MBTD1: variants seen among roughly 807,000 people sequenced by gnomAD.
MBTD1 encodes the protein mbt domain containing 1, also known as MBT domain-containing protein 1.
Under a neutral mutation model 87.8 loss-of-function variants are expected in MBTD1, and 24 were observed. That is an observed-to-expected ratio of 0.27 (90% CI 0.20 to 0.38). The LOEUF is 0.38. MBTD1 is among the 10% of genes least tolerant of loss of function. The probability of loss-of-function intolerance (pLI) is 1.00; values close to 1 mark genes in which losing one functional copy is unlikely to be tolerated. For missense variants in MBTD1, 436 were observed against 760.2 expected, an observed-to-expected ratio of 0.57 and a Z score of 5.02; for synonymous variants, 237 against 248.6, an observed-to-expected ratio of 0.95 and a Z score of 0.44.
At chr17:51,232,063 C>G (rs1048407709) in intron 2 of MBTD1, among the ~76,000 whole-genome samples, 1 of 151,708 alleles carries the variant, frequency 6.6e-6, no homozygotes, top group African/African-American at 2.4e-5. Flanking sequence ...TGATTATACT[C>G]AAAAGACCTA....
chr17:51,232,445 GAACATAAA>G (rs1175347479), intron 2 of MBTD1, among the ~76,000 whole-genome samples: 24 of 152,054 alleles, frequency 1.6e-4, no homozygotes, highest in East Asian at 9.7e-4. Context: ...GACAGAGACA[GAACATAAA>G]ACAAGCATTA....
chr17:51,231,232 G>A (rs1484131242), intron 2 of MBTD1, among the ~76,000 whole-genome samples: 3 of 152,104 alleles, frequency 2.0e-5, no homozygotes, highest in African/African-American at 4.8e-5. Context: ...CACCAGCCCG[G>A]CCAGACCTTT....
chr17:51,192,284 A>C lies in MBTD1; in HGVS notation c.1691-4T>G. The C allele has an allele frequency of 6.5e-7, 1 of 1,548,036 alleles. No individual in the cohort carries two copies. Among genetic ancestry groups the C allele is most frequent in the South Asian group, 1.2e-5 (1 of 83,956 alleles). On this transcript the variant is annotated splice_region_variant and splice_polypyrimidine_tract_variant and intron_variant, in intron 15 of 16. Transcript: ENST00000586178. ...GCTGATTGGTTTTCTCTTGATGCTGAAAAATAAAAAGGGAAAATTGGTACT... is the reference window on the plus strand; with the variant it reads ...GCTGATTGGTTTTCTCTTGATGCTGCAAAATAAAAAGGGAAAATTGGTACT...
intron 6 of MBTD1, among the ~76,000 whole-genome samples, chr17:51,209,626 T>C (rs944962970): frequency 3.9e-5 from 6 of 152,190 alleles, no homozygotes; most frequent in East Asian, 1.9e-4. Context: ...TCTCAGGAGG[T>C]TGATGCACTG....
intron 16 of MBTD1, among the ~76,000 whole-genome samples, chr17:51,188,793 CTT>C (rs1414160343): frequency 1.8e-4 from 19 of 107,780 alleles, no homozygotes; most frequent in African/African-American, 5.2e-4. Context: ...GAGTTTTGCT[CTT>C]GTTGCCCAGG....
intron 3 of MBTD1, 140 bp downstream of exon 3, chr17:51,224,868 A>C: frequency 2.1e-6 from 1 of 476,468 alleles, no homozygotes; most frequent in East Asian, 3.4e-5. Context: ...CAACTCAGTG[A>C]TCTTATCTCG....
rs145393312 is a variant in MBTD1, at chr17:51,233,531, A to T, written c.-48-8322T>A. On this transcript the variant is annotated intron_variant, in intron 2 of 16. Transcript: ENST00000586178. ...AGTCAAGGAAATCTTTCAAAAAGCGAGTGTGTGTGTATACATGAGACAAAA... is the reference window on the plus strand; with the variant it reads ...AGTCAAGGAAATCTTTCAAAAAGCGTGTGTGTGTGTATACATGAGACAAAA... 4.9e-3 allele frequency among the ~76,000 whole-genome samples: 745 copies of T among 152,264 alleles called. 4 individuals carry two copies. Among genetic ancestry groups the T allele is most frequent in the African/African-American group, 0.017 (710 of 41,552 alleles).
intron 14 of MBTD1, 55 bp from the exon 15 acceptor site, chr17:51,193,071 C>T: frequency 8.4e-7 from 1 of 1,195,980 alleles, no homozygotes; most frequent in Non-Finnish European, 1.2e-6. Flanking sequence ...AATGCACAAC[C>T]CTACTATCAC....
At chr17:51,255,212 C>T (rs1417634167) in intron 2 of MBTD1, among the ~76,000 whole-genome samples, 3 of 151,802 alleles carry the variant, frequency 2.0e-5, no homozygotes, top group South Asian at 2.1e-4. Context: ...ACCCGGGAGG[C>T]GGAGACTGCA....
chr17:51,231,808 A>ATT (rs58688688), intron 2 of MBTD1, among the ~76,000 whole-genome samples: 8 of 146,812 alleles, frequency 5.4e-5, no homozygotes, highest in African/African-American at 1.5e-4. Flanking sequence ...TTCTGAAGTG[A>ATT]TTTTTTTTTT....
intron 6 of MBTD1, 30 bp downstream of exon 6, chr17:51,217,304 T>C: frequency 7.5e-7 from 1 of 1,338,240 alleles, no homozygotes. Context: ...ACTAAGTACT[T>C]CAAAATAAGG....
At chr17:51,235,817 T>C (rs2053797714) in intron 2 of MBTD1, among the ~76,000 whole-genome samples, 1 of 152,160 alleles carries the variant, frequency 6.6e-6, no homozygotes, top group Non-Finnish European at 1.5e-5. Context: ...CTAAAATTCA[T>C]ATGGAACTGC....
intron 2 of MBTD1, among the ~76,000 whole-genome samples, chr17:51,238,840 C>T (rs947599964): frequency 3.3e-5 from 5 of 152,154 alleles, no homozygotes; most frequent in Admixed American, 6.5e-5. Flanking sequence ...TGGCTCATGC[C>T]TGTAATCCCA....
intron 2 of MBTD1, among the ~76,000 whole-genome samples, chr17:51,225,473 T>A (rs545850282): frequency 4.0e-5 from 6 of 151,328 alleles, no homozygotes; most frequent in Non-Finnish European, 8.8e-5. Context: ...CACCTTGGCC[T>A]CCTGAGTAGC....
chr17:51,259,595 C>T (rs1430856728), intron 1 of MBTD1, among the ~76,000 whole-genome samples: 1 of 151,536 alleles, frequency 6.6e-6, no homozygotes, highest in Admixed American at 6.6e-5. Context: ...ATTTTTCTTC[C>T]AAAGGGTGGA....
At chr17:51,247,441 C>CT (rs58720477) in intron 2 of MBTD1, among the ~76,000 whole-genome samples, 10,652 of 131,204 alleles carry the variant, frequency 0.081, 846 homozygotes, top group African/African-American at 0.21. Flanking sequence ...ATCAGTATTA[C>CT]TTTTTTTTTT....
chr17:51,220,205 G>T, intron 4 of MBTD1, 125 bp downstream of exon 4: 1 of 875,790 alleles, frequency 1.1e-6, no homozygotes, highest in Non-Finnish European at 1.6e-6. Flanking sequence ...GTTTCCTCAA[G>T]ATGTGGTATA....
At chr17:51,227,127 A>G (rs952337921) in intron 2 of MBTD1, among the ~76,000 whole-genome samples, 2 of 151,578 alleles carry the variant, frequency 1.3e-5, no homozygotes, top group African/African-American at 4.8e-5. Context: ...CTGTAGTCCC[A>G]GCTACTGGGG....
chr17:51,224,312 T>C (rs2053087044), intron 3 of MBTD1, among the ~76,000 whole-genome samples: 1 of 152,214 alleles, frequency 6.6e-6, no homozygotes, highest in Admixed American at 6.5e-5. Context: ...CTCCTTGGTA[T>C]GCCTTAGAGA....
Sources: gnomAD v4.1 joint callset for allele counts (sites outside exome capture counted in the v4.1 genomes callset) on GRCh38, gnomAD v4.1.1 for gene constraint, MANE v1.5 for transcripts, NCBI Gene and HGNC (gene_info 2026-07-23, HGNC 2026-07-21) for gene names.